Variants in LARGE1 observed in about 807,000 individuals in gnomAD.
The protein encoded by LARGE1 is xylosyl- and glucuronyltransferase LARGE1.
In LARGE1, 43 loss-of-function variants were observed where a neutral mutation model predicts 87.6. The observed-to-expected ratio is 0.49, with a 90% CI of 0.38 to 0.63. The LOEUF (loss-of-function observed/expected upper bound fraction) is 0.63, where lower values mean the gene tolerates loss of function less well. LARGE1 is among the 30% of genes least tolerant of loss of function. LARGE1 has a pLI of 0.00. For missense variants in LARGE1, 802 were observed against 1,000.2 expected, an observed-to-expected ratio of 0.80 and a Z score of 2.67; for synonymous variants, 434 against 394.6, an observed-to-expected ratio of 1.10 and a Z score of -1.18.
intron 1 of LARGE1, among the ~76,000 whole-genome samples, chr22:33,916,684 T>G (rs1194965846): frequency 6.6e-6 from 1 of 152,166 alleles, no homozygotes; most frequent in Admixed American, 6.5e-5. Flanking sequence ...AGTATGCTCC[T>G]CCTTTCTGAG....
Position 33,291,141 on chromosome 22 carries a change from A to G in LARGE1, c.1731-7793T>C, listed in dbSNP as rs144069479. Among the ~76,000 whole-genome samples, 28 of 152,308 alleles carry G rather than the reference A, an allele frequency of 1.8e-4. No individual in the cohort carries two copies. In the East Asian group the frequency reaches 4.8e-3, roughly 26 times the overall value. ...AATCAGGAAAAGGATCCATGTCACAACGCTGGCCAATTTAGTTTCATCTTA... is the reference window on the plus strand; with the variant it reads ...AATCAGGAAAAGGATCCATGTCACAGCGCTGGCCAATTTAGTTTCATCTTA... On this transcript the variant is annotated intron_variant, in intron 12 of 14. Coordinates refer to ENST00000397394, the MANE Select transcript of LARGE1 (RefSeq NM_133642.5).
intron 6 of LARGE1, among the ~76,000 whole-genome samples, chr22:33,481,920 T>C (rs1400675862): frequency 6.6e-6 from 1 of 152,212 alleles, no homozygotes; most frequent in African/African-American, 2.4e-5. Context: ...GTCAAGAATC[T>C]GTAGTGAGGA....
chr22:33,085,995 C>A, the LARGE1 span, among the ~76,000 whole-genome samples: 5 of 152,242 alleles, frequency 3.3e-5, no homozygotes, highest in Admixed American at 3.3e-4. Context: ...CTATTTTGTT[C>A]AATAGATCCA....
intron 2 of LARGE1, among the ~76,000 whole-genome samples, chr22:33,747,517 A>G (rs1228063892): frequency 6.6e-6 from 1 of 151,902 alleles, no homozygotes; most frequent in African/African-American, 2.4e-5. Context: ...TGCCCAGATC[A>G]CCCTATTAAC....
At chr22:33,739,651 A>G (rs960326848) in intron 2 of LARGE1, among the ~76,000 whole-genome samples, 1 of 152,202 alleles carries the variant, frequency 6.6e-6, no homozygotes, top group Non-Finnish European at 1.5e-5. Flanking sequence ...GCAGAAGCAG[A>G]TCACTAAATG....
chr22:33,297,543 G>C lies in LARGE1; in HGVS notation c.1730+6686C>G, dbSNP rs1933473162. Among the ~76,000 whole-genome samples, 3 of 151,128 alleles carry C rather than the reference G, an allele frequency of 2.0e-5. No homozygotes were observed. The South Asian group carries it at 6.3e-4, about 32-fold the overall frequency. The stretch of plus-strand genomic sequence containing the variant: ...CAGGACAATTGCTTGAACCTGAGGG[G>C]CAGAGGTTGCAGTGAGCCAAGATCG... On this transcript the variant is annotated intron_variant, in intron 12 of 14. Coordinates refer to ENST00000397394, the MANE Select transcript of LARGE1 (RefSeq NM_133642.5).
At chr22:33,673,951 C>T (rs186883960) in intron 2 of LARGE1, among the ~76,000 whole-genome samples, 1 of 124,000 alleles carries the variant, frequency 8.1e-6, no homozygotes, top group East Asian at 2.2e-4. Context: ...CTGGGTTACA[C>T]GACCACGCCC....
intron 9 of LARGE1, among the ~76,000 whole-genome samples, chr22:33,361,036 GA>G (rs1470885861): frequency 2.0e-5 from 3 of 148,816 alleles, no homozygotes; most frequent in African/African-American, 7.4e-5. Flanking sequence ...CCAACATGGT[GA>G]AACCCAGTCT....
At chr22:33,646,482 AT>A (rs1282756575) in intron 3 of LARGE1, among the ~76,000 whole-genome samples, 1 of 149,282 alleles carries the variant, frequency 6.7e-6, no homozygotes, top group Admixed American at 6.7e-5. Context: ...TACCTAATAT[AT>A]GTGGGGCATA....
At chr22:33,685,118 T>G (rs1418976091) in intron 2 of LARGE1, among the ~76,000 whole-genome samples, 5 of 152,134 alleles carry the variant, frequency 3.3e-5, no homozygotes, top group African/African-American at 1.2e-4. Flanking sequence ...GGCAAGAGCT[T>G]CAAGACTGTG....
At chr22:33,637,449 G>A (rs2080300071) in intron 3 of LARGE1, among the ~76,000 whole-genome samples, 2 of 152,232 alleles carry the variant, frequency 1.3e-5, no homozygotes, top group Non-Finnish European at 1.5e-5. Flanking sequence ...CAGCCTCCAA[G>A]ACTGTCTCCA....
intron 2 of LARGE1, among the ~76,000 whole-genome samples, chr22:33,709,566 C>T (rs1158157640): frequency 6.6e-6 from 1 of 152,010 alleles, no homozygotes; most frequent in Non-Finnish European, 1.5e-5. Flanking sequence ...CTCCTCTATT[C>T]AGGGTGGTCC....
At chr22:33,917,439 G>A (rs2065820347) in intron 1 of LARGE1, among the ~76,000 whole-genome samples, 1 of 152,188 alleles carries the variant, frequency 6.6e-6, no homozygotes, top group Non-Finnish European at 1.5e-5. Context: ...AGGTGGAAGT[G>A]CAACTACACC....
chr22:33,171,122 T>C (rs964913231), intron 11 of LARGE1, among the ~76,000 whole-genome samples: 1 of 152,086 alleles, frequency 6.6e-6, no homozygotes, highest in African/African-American at 2.4e-5. Flanking sequence ...TCTGTGGAAC[T>C]TTAAACTTGA....
At chr22:33,298,911 AAG>A (rs10679072) in intron 12 of LARGE1, among the ~76,000 whole-genome samples, 19 of 151,480 alleles carry the variant, frequency 1.3e-4, no homozygotes, top group Middle Eastern at 3.4e-3. Context: ...GAAAAAAGGA[AAG>A]AGAGAGAGAG....
At chr22:33,397,287 G>A (rs2065782204) in intron 7 of LARGE1, among the ~76,000 whole-genome samples, 1 of 152,102 alleles carries the variant, frequency 6.6e-6, no homozygotes, top group East Asian at 1.9e-4. Context: ...GGCTAATTTT[G>A]TATTTTTAGT....
intron 4 of LARGE1, among the ~76,000 whole-genome samples, chr22:33,624,349 T>C (rs1433895559): frequency 2.0e-5 from 3 of 152,082 alleles, no homozygotes; most frequent in Non-Finnish European, 4.4e-5. Context: ...ATATATAAAA[T>C]ATAATGTAAT....
At chr22:33,652,365 AAAAC>A (rs1397093756) in intron 2 of LARGE1, among the ~76,000 whole-genome samples, 1 of 152,076 alleles carries the variant, frequency 6.6e-6, no homozygotes, top group Non-Finnish European at 1.5e-5. Context: ...ACATTAAAAA[AAAAC>A]AAACACTTAT....
At chr22:33,586,433 A>C (rs1198495026) in intron 5 of LARGE1, among the ~76,000 whole-genome samples, 3 of 151,252 alleles carry the variant, frequency 2.0e-5, no homozygotes, top group African/African-American at 7.3e-5. Context: ...TGCTGCCCCC[A>C]AACAGGGAGA....
Sources: gnomAD v4.1 joint callset for allele counts (sites outside exome capture counted in the v4.1 genomes callset) on GRCh38, gnomAD v4.1.1 for gene constraint, MANE v1.5 for transcripts, NCBI Gene and HGNC (gene_info 2026-07-23, HGNC 2026-07-21) for gene names.